Variants in PLCB1 observed in about 807,000 individuals in gnomAD.
PLCB1 encodes the protein 1-phosphatidylinositol 4,5-bisphosphate phosphodiesterase beta-1.
PLCB1 carries 46 observed loss-of-function variants against 161.8 expected under a neutral mutation model. The ratio of observed to expected loss-of-function variants is 0.28; its 90% CI spans 0.22 to 0.36. PLCB1 has a LOEUF of 0.36. Among genes scored for constraint, PLCB1 ranks in the 10% least tolerant of loss-of-function variants. The pLI is 1.00. For synonymous variants in PLCB1, 517 were observed against 503.7 expected (o/e 1.03, Z -0.35); for missense variants, 1,016 against 1,472.5 (o/e 0.69, Z 5.07).
At chr20:8,184,769 T>TTTTTTATTATTA (rs2051882807) in intron 2 of PLCB1, among the ~76,000 whole-genome samples, 1 of 141,916 alleles carries the variant, frequency 7.0e-6, no homozygotes, top group African/African-American at 2.6e-5. Context: ...TGGCAATACC[T>TTTTTTATTATTA]TTATTATTAT....
chr20:8,717,000 G>C (rs557227044), intron 13 of PLCB1, among the ~76,000 whole-genome samples: 16 of 152,174 alleles, frequency 1.1e-4, no homozygotes, highest in Non-Finnish European at 2.1e-4. Context: ...AACCTATCTT[G>C]TGGCTTGCAC....
chr20:8,398,634 T>C (rs2122462194), intron 3 of PLCB1, among the ~76,000 whole-genome samples: 1 of 152,292 alleles, frequency 6.6e-6, no homozygotes, highest in African/African-American at 2.4e-5. Context: ...GGCTCCACCC[T>C]CATGGCCTAA....
At chr20:8,212,329 C>T (rs1255227472) in intron 2 of PLCB1, among the ~76,000 whole-genome samples, 1 of 152,070 alleles carries the variant, frequency 6.6e-6, no homozygotes, top group Non-Finnish European at 1.5e-5. Flanking sequence ...ATTTTTAGCT[C>T]ATCATAGTAA....
At chr20:8,661,544 A>C (rs1989621943) in intron 9 of PLCB1, among the ~76,000 whole-genome samples, 1 of 152,050 alleles carries the variant, frequency 6.6e-6, no homozygotes, top group Non-Finnish European at 1.5e-5. Context: ...ATATGAAAGA[A>C]ATTCAACTCT....
At chr20:8,583,885 T>C (rs1289055258) in intron 3 of PLCB1, among the ~76,000 whole-genome samples, 1 of 152,166 alleles carries the variant, frequency 6.6e-6, no homozygotes. Context: ...CTTAACATGC[T>C]GAACCATTCC....
intron 12 of PLCB1, 147 bp downstream of exon 12, chr20:8,708,899 G>T: frequency 1.7e-6 from 1 of 595,944 alleles, no homozygotes; most frequent in African/African-American, 1.9e-5. Context: ...ATTTGTAGGT[G>T]ATGGAATTCA....
intron 31 of PLCB1, among the ~76,000 whole-genome samples, chr20:8,868,788 C>T (rs1049382577): frequency 2.6e-4 from 39 of 152,260 alleles, no homozygotes; most frequent in Non-Finnish European, 2.9e-4. Context: ...CCAGCCACCA[C>T]ACGCAGCCAG....
At chr20:8,614,584 CTG>C (rs71331317) in intron 3 of PLCB1, among the ~76,000 whole-genome samples, 9,029 of 147,084 alleles carry the variant, frequency 0.061, 365 homozygotes, top group African/African-American at 0.12. Context: ...ATGTAAAATT[CTG>C]TGTGTGTGTG....
At chr20:8,588,858 G>C (rs535187258) in intron 3 of PLCB1, among the ~76,000 whole-genome samples, 211 of 152,260 alleles carry the variant, frequency 1.4e-3, no homozygotes, top group Non-Finnish European at 2.4e-3. Flanking sequence ...TGGCTTTTCT[G>C]ATGTTTGTAA....
chr20:8,424,945 C>A (rs1209447425), intron 3 of PLCB1, among the ~76,000 whole-genome samples: 2 of 152,062 alleles, frequency 1.3e-5, no homozygotes, highest in Non-Finnish European at 2.9e-5. Context: ...GGTTCAAATA[C>A]CCCCTAGAAG....
intron 2 of PLCB1, among the ~76,000 whole-genome samples, chr20:8,370,022 G>A (rs753724113): frequency 6.6e-6 from 1 of 152,190 alleles, no homozygotes; most frequent in Non-Finnish European, 1.5e-5. Context: ...AGGGAGCTTG[G>A]CCTTTAAGAA....
At chr20:8,567,825 A>C (rs1186306917) in intron 3 of PLCB1, among the ~76,000 whole-genome samples, 2 of 152,182 alleles carry the variant, frequency 1.3e-5, no homozygotes, top group Non-Finnish European at 2.9e-5. Context: ...TGAAATGTCC[A>C]TTTGAAGTTG....
At chr20:8,442,974 G>GT (rs772350951) in intron 3 of PLCB1, among the ~76,000 whole-genome samples, 9,039 of 139,454 alleles carry the variant, frequency 0.065, 295 homozygotes, top group African/African-American at 0.069. Flanking sequence ...TGAGTTTCTT[G>GT]TTTTTTTTTT....
At chr20:8,840,880 G>A (rs922306682) in intron 31 of PLCB1, among the ~76,000 whole-genome samples, 4 of 152,008 alleles carry the variant, frequency 2.6e-5, no homozygotes, top group African/African-American at 4.8e-5. Context: ...GCAGTGGTGC[G>A]ATCTCAGCAC....
Position 8,788,639 on chromosome 20 carries a change from G to A in PLCB1, c.3195G>A (p.Lys1065=). 6.2e-7 allele frequency: 1 copy of A among 1,606,976 alleles called. No homozygotes were observed. The highest frequency in any genetic ancestry group is 1.1e-5 in the South Asian group (1 of 89,498). The change falls in exon 29 of 32, where the codon AAG becomes AAA. Residue 1065 remains lysine, a synonymous_variant. Transcript: ENST00000338037. The part of the protein sequence containing the change: ...KKLKEICEKE[K]KELKKKMDKK... Reference sequence around the variant, plus strand: ...ACTTCCATTGTGACTTCAGAGAAAAGAAAGAATTAAAGAAGAAAATGGATA... The same window carrying A: ...ACTTCCATTGTGACTTCAGAGAAAAAAAAGAATTAAAGAAGAAAATGGATA...
intron 9 of PLCB1, among the ~76,000 whole-genome samples, chr20:8,670,764 C>T (rs769581763): frequency 8.9e-4 from 135 of 152,274 alleles, no homozygotes; most frequent in Admixed American, 2.9e-3. Flanking sequence ...GCAAAGATAA[C>T]TGAGAAGGGA....
chr20:8,696,820 G>A (rs554625227), intron 10 of PLCB1, among the ~76,000 whole-genome samples: 21 of 152,122 alleles, frequency 1.4e-4, no homozygotes, highest in Non-Finnish European at 2.4e-4. Flanking sequence ...TGCAAGCTCC[G>A]CCTCCCGGGT....
At chr20:8,553,525 T>G (rs1985840235) in intron 3 of PLCB1, among the ~76,000 whole-genome samples, 1 of 152,224 alleles carries the variant, frequency 6.6e-6, no homozygotes, top group East Asian at 1.9e-4. Flanking sequence ...ACAACTTTTC[T>G]TGTATGTTCC....
intron 3 of PLCB1, among the ~76,000 whole-genome samples, chr20:8,608,762 G>A (rs1304012915): frequency 6.6e-6 from 1 of 152,100 alleles, no homozygotes; most frequent in African/African-American, 2.4e-5. Flanking sequence ...GAAGGAATGA[G>A]GATAAGAAAT....
Sources: gnomAD v4.1 joint callset for allele counts (sites outside exome capture counted in the v4.1 genomes callset) on GRCh38, gnomAD v4.1.1 for gene constraint, MANE v1.5 for transcripts, NCBI Gene and HGNC (gene_info 2026-07-23, HGNC 2026-07-21) for gene names.